The following TAF4 variants were observed in gnomAD, a reference collection of about 807,000 sequenced individuals.
TAF4 encodes the protein transcription initiation factor TFIID subunit 4.
TAF4 carries 9 observed loss-of-function variants against 90.3 expected under a neutral mutation model. That is an observed-to-expected ratio of 0.10 (90% CI 0.06 to 0.17). The LOEUF is 0.17. Ranked by LOEUF, TAF4 falls within the 10% of genes least tolerant of loss-of-function variation. The pLI, the probability that TAF4 is intolerant of heterozygous loss-of-function variation, is 1.00. For missense variants in TAF4, 1,351 were observed against 1,370.7 expected (o/e 0.99, Z 0.23); for synonymous variants, 818 against 638.9 (o/e 1.28, Z -4.23).
rs1162637852 is a variant in TAF4 at position 62,006,277 on chromosome 20, G to A, written c.2223+233C>T. On this transcript the variant is annotated intron_variant, in intron 7 of 14. Transcript: ENST00000252996. This position sits in a 1 kb window ranked among gnomAD's most constrained non-coding sequence, Gnocchi z 7.0. ...AGACAAGGCAGGGCGGGGACGTGCC[G>A]GTGGTTCAAAGCCAACTCAACTATT... The A allele has an allele frequency of 3.7e-5, 18 of 487,040 alleles. No individual in the cohort carries two copies. The highest frequency in any genetic ancestry group is 4.4e-5 in the Admixed American group (1 of 22,782). The allele number at this position is 487,040 out of a possible 1,614,324, so 30.2% of individuals were successfully genotyped here. A position where few individuals can be genotyped will look rare whatever the true frequency, so the allele number is the denominator to read the frequency against.
chr20:62,037,446 G>A (rs890874232), intron 1 of TAF4: 1 of 152,564 alleles, frequency 6.6e-6, no homozygotes, highest in African/African-American at 2.4e-5. Flanking sequence ...CATGCCACAA[G>A]TTTTTGTTTC....
chr20:62,052,210 C>G (rs2056032632), intron 1 of TAF4, among the ~76,000 whole-genome samples: 1 of 152,096 alleles, frequency 6.6e-6, no homozygotes, highest in South Asian at 2.1e-4. Flanking sequence ...TGAAGCATGT[C>G]AAAGGCTCAA....
rs532796935 is a variant in TAF4, at chr20:62,040,236, G to A, written c.1360+24215C>T. On this transcript the variant is annotated intron_variant, in intron 1 of 14. Coordinates refer to ENST00000252996, the MANE Select transcript of TAF4 (RefSeq NM_003185.4). ...AAACAACCCAAATACCCATCAACTG[G>A]TAACCAGATCACCTGCGGTCCAGCC... is the stretch of plus-strand genomic sequence containing the variant. 4.6e-5 allele frequency among the ~76,000 whole-genome samples: 7 copies of A among 152,322 alleles called. No individual in the cohort carries two copies. In the East Asian group the frequency reaches 1.2e-3, roughly 25 times the overall value.
At chr20:62,021,610 C>T (rs1030024281) in intron 1 of TAF4, among the ~76,000 whole-genome samples, 1 of 152,226 alleles carries the variant, frequency 6.6e-6, no homozygotes, top group South Asian at 2.1e-4. Flanking sequence ...GCCAGACGGT[C>T]GCTAGCTGAC....
chr20:62,014,039 T>TGGGTGTGG (rs2055798162), intron 2 of TAF4, among the ~76,000 whole-genome samples: 1 of 124,262 alleles, frequency 8.0e-6, no homozygotes, highest in African/African-American at 3.5e-5. Flanking sequence ...TGTGTGTGTG[T>TGGGTGTGG]GTGTGTATGT....
chr20:62,065,178 G>A lies in TAF4; in HGVS notation c.633C>T (p.Ala211=). 2 of 1,212,486 alleles carry A rather than the reference G, an allele frequency of 1.6e-6. No individual in the cohort carries two copies. The highest frequency in any genetic ancestry group is 2.1e-6 in the Non-Finnish European group (2 of 949,934). The allele number at this position is 1,212,486 out of a possible 1,614,324, so 75.1% of individuals were successfully genotyped here. ...TGTTGACCAGGCTGACAGCAGGTGC[G>A]GCGGCGTGGTGCGAGTTCAGCAGCG... is the stretch of plus-strand genomic sequence containing the variant. ...SAALLNSHHA[A]APAVSLVNNG... is the part of the protein sequence containing the mutation. Residue 211 remains alanine (A), a synonymous_variant, in exon 1 of 15, where the codon GCC becomes GCT. Coordinates refer to ENST00000252996, the MANE Select transcript of TAF4 (RefSeq NM_003185.4).
chr20:62,014,483 G>C (rs1232222823), intron 2 of TAF4, 64 bp downstream of exon 2: 1 of 1,498,364 alleles, frequency 6.7e-7, no homozygotes, highest in African/African-American at 1.4e-5. Flanking sequence ...GGTTTCCCCA[G>C]CATGCGTGGG....
At chr20:62,034,535 G>A (rs1262853058) in intron 1 of TAF4, among the ~76,000 whole-genome samples, 2 of 151,838 alleles carry the variant, frequency 1.3e-5, no homozygotes, top group East Asian at 1.9e-4. Context: ...TCACTATGTT[G>A]CTCAGGCTGG....
At chr20:61,994,966 A>G (rs2055654464) in intron 14 of TAF4, among the ~76,000 whole-genome samples, 1 of 152,200 alleles carries the variant, frequency 6.6e-6, no homozygotes. Context: ...CCAAACCCAG[A>G]CAGGAAAGAC....
intron 4 of TAF4, 49 bp downstream of exon 4, chr20:62,009,997 C>G (rs200023709): frequency 6.2e-7 from 1 of 1,606,862 alleles, no homozygotes; most frequent in Non-Finnish European, 8.5e-7. Flanking sequence ...TTCTGACCTG[C>G]GCCACGGGCC....
chr20:62,003,089 G>C, intron 9 of TAF4, 71 bp downstream of exon 9: 1 of 1,360,392 alleles, frequency 7.4e-7, no homozygotes. Context: ...GGCGGGAATG[G>C]AGCAGCACGG....
chr20:62,042,295 A>T (rs1460292753), intron 1 of TAF4, among the ~76,000 whole-genome samples: 1 of 152,190 alleles, frequency 6.6e-6, no homozygotes, highest in African/African-American at 2.4e-5. Flanking sequence ...GAGGAAGATC[A>T]TCTTCTCACT....
chr20:62,022,046 G>A (rs1031692240), intron 1 of TAF4, among the ~76,000 whole-genome samples: 3 of 151,920 alleles, frequency 2.0e-5, no homozygotes, highest in African/African-American at 7.2e-5. Context: ...AGGTCTTAGA[G>A]GGGCAAGAAC....
intron 1 of TAF4, among the ~76,000 whole-genome samples, chr20:62,049,177 C>G (rs902475046): frequency 6.6e-6 from 1 of 152,060 alleles, no homozygotes; most frequent in African/African-American, 2.4e-5. Context: ...TGCAGCAGTG[C>G]CCACGCCCGC....
chr20:62,026,215 A>C (rs372398562), intron 1 of TAF4, among the ~76,000 whole-genome samples: 44 of 152,240 alleles, frequency 2.9e-4, no homozygotes, highest in African/African-American at 9.6e-4. Flanking sequence ...CGAGAGTCGT[A>C]TTAACAACTC....
At position 61,976,327 on chromosome 20, in the gene TAF4, G is replaced by A. The variant is rs150380471; in HGVS notation, c.3099C>T (p.Gly1033=). Residue 1033 remains glycine (G), a synonymous_variant, in exon 15 of 15, where the codon GGC becomes GGT. Coordinates refer to ENST00000252996, the MANE Select transcript of TAF4 (RefSeq NM_003185.4). ...PGPGSGAEGS[G]PGSVVPGSSG... is the part of the protein sequence containing the mutation. ...AGCTGCCTGGGACCACTGAGCCGGG[G>A]CCCGACCCCTGGTGATGAAAAAGGA... is the stretch of plus-strand genomic sequence containing the variant. 1.5e-3 allele frequency: 2,466 copies of A among 1,613,442 alleles called. 6 individuals are homozygous for A. The highest frequency in any genetic ancestry group is 1.5e-3 in the Non-Finnish European group (1,753 of 1,180,022).
In TAF4 at chr20:62,006,382, G is replaced by A; in HGVS notation, c.2223+128C>T. ...TTTAACTATTTAAGGTAATACCCAA[G>A]CTTCCTCTAGCAGGAGGCTTCCTGC... On this transcript the variant is annotated intron_variant, in intron 7 of 14. Transcript: ENST00000252996. The surrounding 1 kb of genome is among the most constrained non-coding windows in gnomAD (Gnocchi z 7.0). 1 of 1,218,638 alleles carries A rather than the reference G, an allele frequency of 8.2e-7. No individual in the cohort carries two copies. The highest frequency in any genetic ancestry group is 2.6e-5 in the South Asian group (1 of 37,772). The allele number at this position is 1,218,638 out of a possible 1,614,324, so 75.5% of individuals were successfully genotyped here. A position where few individuals can be genotyped will look rare whatever the true frequency, so the allele number is the denominator to read the frequency against.
chr20:62,017,314 CTT>C (rs1159104348), intron 1 of TAF4, among the ~76,000 whole-genome samples: 1 of 152,094 alleles, frequency 6.6e-6, no homozygotes, highest in Non-Finnish European at 1.5e-5. Context: ...AGTGAAGAGA[CTT>C]TAATTATCAG....
At chr20:62,025,415 G>A (rs1308383658) in intron 1 of TAF4, among the ~76,000 whole-genome samples, 2 of 152,200 alleles carry the variant, frequency 1.3e-5, no homozygotes, top group Non-Finnish European at 2.9e-5. Context: ...AGAAAAGAGA[G>A]AGTACACACC....
Sources: allele counts gnomAD v4.1 joint callset (sites outside exome capture counted in the v4.1 genomes callset), GRCh38; gene constraint gnomAD v4.1.1; non-coding constraint Gnocchi (gnomAD v3.1); transcripts MANE v1.5; gene names NCBI Gene and HGNC (gene_info 2026-07-23, HGNC 2026-07-21).